Variants in CORIN observed in about 807,000 individuals in gnomAD.
The protein encoded by CORIN is atrial natriuretic peptide-converting enzyme.
A neutral mutation model predicts 125.3 loss-of-function variants in CORIN; 117 were observed. That is an observed-to-expected ratio of 0.93 (90% CI 0.80 to 1.09). The LOEUF (loss-of-function observed/expected upper bound fraction) is 1.09. CORIN is among the 50% of genes least tolerant of loss of function. The pLI is 0.00. For synonymous variants in CORIN, 450 were observed against 466.4 expected, an observed-to-expected ratio of 0.96 and a Z score of 0.45; for missense variants, 1,253 against 1,306.7, an observed-to-expected ratio of 0.96 and a Z score of 0.63.
intron 5 of CORIN, among the ~76,000 whole-genome samples, chr4:47,701,464 T>C (rs969764242): frequency 3.9e-5 from 6 of 152,174 alleles, no homozygotes; most frequent in Non-Finnish European, 7.3e-5. Flanking sequence ...CCTGATAGCA[T>C]GATGGAAGAG....
intron 16 of CORIN, among the ~76,000 whole-genome samples, chr4:47,638,588 C>T (rs111551057): frequency 3.3e-5 from 5 of 152,210 alleles, no homozygotes; most frequent in Non-Finnish European, 5.9e-5. Flanking sequence ...CCCACACAAG[C>T]TCTCTCTTTT....
intron 3 of CORIN, among the ~76,000 whole-genome samples, chr4:47,765,402 A>G (rs1729686820): frequency 1.3e-5 from 2 of 151,850 alleles, no homozygotes; most frequent in South Asian, 2.1e-4. Flanking sequence ...ACATTCCACT[A>G]TATGTTGTAC....
chr4:47,672,890 C>A (rs1013824687), intron 10 of CORIN, among the ~76,000 whole-genome samples: 6 of 152,120 alleles, frequency 3.9e-5, no homozygotes, highest in South Asian at 2.1e-4. Flanking sequence ...GCCTACACCC[C>A]CTTCCCAGCC....
At chr4:47,693,403 C>T (rs1360582881) in intron 5 of CORIN, among the ~76,000 whole-genome samples, 1 of 152,008 alleles carries the variant, frequency 6.6e-6, no homozygotes, top group African/African-American at 2.4e-5. Flanking sequence ...GGGAGAATAC[C>T]CAATGGGTGT....
intron 5 of CORIN, among the ~76,000 whole-genome samples, chr4:47,704,038 G>A (rs1401131460): frequency 2.0e-5 from 3 of 152,114 alleles, no homozygotes; most frequent in Non-Finnish European, 4.4e-5. Flanking sequence ...CTGTTTAATC[G>A]TTTGTGTCCT....
intron 5 of CORIN, among the ~76,000 whole-genome samples, chr4:47,713,014 C>T (rs1043066314): frequency 2.0e-5 from 3 of 151,858 alleles, no homozygotes; most frequent in Non-Finnish European, 4.4e-5. Context: ...GTAGATAATA[C>T]GCATAGATCA....
intron 10 of CORIN, among the ~76,000 whole-genome samples, chr4:47,668,271 T>C (rs528029840): frequency 2.6e-5 from 4 of 152,350 alleles, no homozygotes; most frequent in African/African-American, 9.6e-5. Context: ...ACTACAAAGA[T>C]GCAGAAAGAA....
chr4:47,713,444 C>A (rs1297400354), intron 5 of CORIN, among the ~76,000 whole-genome samples: 1 of 152,200 alleles, frequency 6.6e-6, no homozygotes, highest in African/African-American at 2.4e-5. Flanking sequence ...TAAATTCTTT[C>A]ATGATTTTAT....
At chr4:47,760,956 T>G (rs1729420545) in intron 4 of CORIN, among the ~76,000 whole-genome samples, 3 of 152,230 alleles carry the variant, frequency 2.0e-5, no homozygotes, top group Admixed American at 2.0e-4. Context: ...AAACTTTTCT[T>G]CTCCAGCTTC....
At chr4:47,744,331 A>C in intron 5 of CORIN, 71 bp downstream of exon 5, 3 of 1,339,708 alleles carry the variant, frequency 2.2e-6, no homozygotes, top group Non-Finnish European at 3.1e-6. Flanking sequence ...CTTATTATTT[A>C]TATCCATTCC....
chr4:47,641,471 A>G (rs1429235219), intron 16 of CORIN, among the ~76,000 whole-genome samples: 4 of 152,212 alleles, frequency 2.6e-5, no homozygotes, highest in African/African-American at 7.2e-5. Flanking sequence ...AAGCAAATAT[A>G]CTGAACTATT....
chr4:47,708,654 T>C (rs1203724395), intron 5 of CORIN, among the ~76,000 whole-genome samples: 1 of 152,172 alleles, frequency 6.6e-6, no homozygotes, highest in African/African-American at 2.4e-5. Context: ...CACCTGCAAA[T>C]GGCTGACTCA....
intron 1 of CORIN, among the ~76,000 whole-genome samples, chr4:47,811,025 A>G (rs115271707): frequency 0.01 from 1,550 of 152,302 alleles, 27 homozygotes; most frequent in African/African-American, 0.035. Flanking sequence ...CTTGGGATAT[A>G]TTAATATGCA....
intron 5 of CORIN, among the ~76,000 whole-genome samples, chr4:47,699,945 T>C (rs1372798148): frequency 1.3e-5 from 2 of 152,080 alleles, no homozygotes; most frequent in African/African-American, 4.8e-5. Context: ...GTTAAAATGG[T>C]AGGTTTTAGA....
chr4:47,623,191 T>G (rs1164823561), intron 19 of CORIN, among the ~76,000 whole-genome samples: 1 of 150,838 alleles, frequency 6.6e-6, no homozygotes, highest in African/African-American at 2.4e-5. Context: ...CTTCCCAAAC[T>G]ACTCACCAGT....
At chr4:47,818,938 TA>T (rs1240304606) in intron 1 of CORIN, among the ~76,000 whole-genome samples, 1 of 150,040 alleles carries the variant, frequency 6.7e-6, no homozygotes, top group Non-Finnish European at 1.5e-5. Context: ...AATCTGGATA[TA>T]TTGAACAGGG....
At chr4:47,815,340 G>T (rs1732221113) in intron 1 of CORIN, among the ~76,000 whole-genome samples, 1 of 152,086 alleles carries the variant, frequency 6.6e-6, no homozygotes, top group African/African-American at 2.4e-5. Flanking sequence ...TTCAGAGCTT[G>T]CTCAATTTAG....
chr4:47,743,197 G>GAA (rs61450626), intron 5 of CORIN, among the ~76,000 whole-genome samples: 6 of 147,994 alleles, frequency 4.1e-5, no homozygotes, highest in South Asian at 2.1e-4. Context: ...TTAAGACACA[G>GAA]AAAAAAAAAA....
At chr4:47,778,609 A>G (rs1236851969) in intron 3 of CORIN, among the ~76,000 whole-genome samples, 1 of 152,238 alleles carries the variant, frequency 6.6e-6, no homozygotes, top group East Asian at 1.9e-4. Flanking sequence ...TCTTTACTAG[A>G]ATGCTGACAA....
Sources: allele counts gnomAD v4.1 joint callset (sites outside exome capture counted in the v4.1 genomes callset), GRCh38; gene constraint gnomAD v4.1.1; transcripts MANE v1.5; gene names NCBI Gene and HGNC (gene_info 2026-07-23, HGNC 2026-07-21).